Variants in PUM1 observed in about 807,000 individuals in gnomAD.
The protein encoded by PUM1 is pumilio homolog 1.
PUM1 carries 13 observed loss-of-function variants against 131.8 expected under a neutral mutation model. The observed-to-expected ratio is 0.10, with a 90% CI of 0.06 to 0.16. The LOEUF (loss-of-function observed/expected upper bound fraction) is 0.16. PUM1 is among the 10% of genes least tolerant of loss of function. PUM1 has a pLI of 1.00. For missense variants in PUM1, 961 were observed against 1,512.4 expected (o/e 0.64, Z 6.05); for synonymous variants, 509 against 556.5 (o/e 0.91, Z 1.20).
At chr1:31,031,751 C>T (rs1643439692) in intron 2 of PUM1, among the ~76,000 whole-genome samples, 3 of 152,196 alleles carry the variant, frequency 2.0e-5, no homozygotes, top group Admixed American at 2.0e-4. Flanking sequence ...TCTTCCCCTA[C>T]CTTCAAAACT....
intron 15 of PUM1, among the ~76,000 whole-genome samples, chr1:30,953,434 GCT>G (rs1640030266): frequency 6.6e-6 from 1 of 152,166 alleles, no homozygotes; most frequent in African/African-American, 2.4e-5. Flanking sequence ...AGGTGGTAGA[GCT>G]GTCTTACTCC....
intron 3 of PUM1, among the ~76,000 whole-genome samples, chr1:31,010,291 A>G (rs1642562403): frequency 6.6e-6 from 1 of 152,180 alleles, no homozygotes; most frequent in African/African-American, 2.4e-5. Flanking sequence ...ACTCTTAATG[A>G]TCTTCACTTA....
chr1:31,037,682 G>T (rs540309403), intron 2 of PUM1, among the ~76,000 whole-genome samples: 1 of 150,356 alleles, frequency 6.7e-6, no homozygotes, highest in Admixed American at 6.6e-5. Flanking sequence ...ACTCCAGCCC[G>T]GGCGACAAAG....
chr1:30,946,988 G>A (rs1639703468), intron 17 of PUM1, among the ~76,000 whole-genome samples: 1 of 152,140 alleles, frequency 6.6e-6, no homozygotes. Flanking sequence ...AGTATGACTA[G>A]TAATGATACT....
rs1329486629 is a variant in PUM1, at chr1:31,065,663, T to C, written c.-59A>G. On this transcript the variant is annotated 5_prime_UTR_variant, in exon 1 of 22. Coordinates refer to ENST00000426105, the MANE Select transcript of PUM1 (RefSeq NM_001020658.2). Reference sequence around the variant, plus strand: ...TGGATTTCAGCCCCCCGATCTTCTCTCTCTGGCGCTCTCGCTCCCCCTTAC... The same window carrying C: ...TGGATTTCAGCCCCCCGATCTTCTCCCTCTGGCGCTCTCGCTCCCCCTTAC... 7.7e-6 allele frequency: 12 copies of C among 1,549,548 alleles called. No individual in the cohort carries two copies. The highest frequency in any genetic ancestry group is 1.0e-5 in the Non-Finnish European group (12 of 1,146,806).
intron 2 of PUM1, among the ~76,000 whole-genome samples, chr1:31,036,471 G>C (rs765830200): frequency 6.6e-6 from 1 of 152,058 alleles, no homozygotes; most frequent in East Asian, 1.9e-4. Context: ...CAGTACTTTC[G>C]AGGCCAAGGC....
chr1:30,939,477 G>C (rs1639357111), intron 20 of PUM1, among the ~76,000 whole-genome samples: 2 of 152,176 alleles, frequency 1.3e-5, no homozygotes, highest in African/African-American at 4.8e-5. Context: ...AGCTTTAGCT[G>C]CCCAGCATGG....
intron 7 of PUM1, among the ~76,000 whole-genome samples, chr1:30,983,321 A>G (rs1343068265): frequency 6.6e-6 from 1 of 152,204 alleles, no homozygotes; most frequent in Non-Finnish European, 1.5e-5. Flanking sequence ...TGCCTCTTCA[A>G]TGGGTTTCTG....
chr1:31,046,446 G>T (rs79157939), intron 2 of PUM1, among the ~76,000 whole-genome samples: 8 of 149,880 alleles, frequency 5.3e-5, no homozygotes, highest in Non-Finnish European at 1.2e-4. Flanking sequence ...AACATGAAGC[G>T]CATTCCTCTG....
rs1175143372 is a variant in PUM1, at chr1:31,005,942, G to T, written c.631C>A (p.Arg211=). The change falls in exon 5 of 22, where the codon CGA becomes AGA. Residue 211 remains arginine (R), a synonymous_variant. Coordinates refer to ENST00000426105, the MANE Select transcript of PUM1 (RefSeq NM_001020658.2). ...ACGCCTAGTCCCCCACTCTCCGATC[G>T]TGGGGACAGTACAGAATTGACCTCA... ...NSEVNSVLSP[R]SESGGLGVSM... 1.2e-6 allele frequency: 2 copies of T among 1,613,732 alleles called. No homozygotes were observed. Among genetic ancestry groups the T allele is most frequent in the Non-Finnish European group, 1.7e-6 (2 of 1,179,912 alleles).
At chr1:31,062,574 C>G (rs1644393132) in intron 1 of PUM1, among the ~76,000 whole-genome samples, 1 of 144,700 alleles carries the variant, frequency 6.9e-6, no homozygotes, top group South Asian at 2.2e-4. Flanking sequence ...GAGCCGAGAT[C>G]AAGGCACTGC....
intron 3 of PUM1, among the ~76,000 whole-genome samples, chr1:31,009,964 A>T (rs909250967): frequency 6.6e-6 from 1 of 152,150 alleles, no homozygotes; most frequent in African/African-American, 2.4e-5. Context: ...ATAGTATACC[A>T]GGCTGTCATA....
chr1:30,988,760 C>A (rs965844917), intron 7 of PUM1, among the ~76,000 whole-genome samples: 1 of 152,196 alleles, frequency 6.6e-6, no homozygotes, highest in African/African-American at 2.4e-5. Flanking sequence ...ACACCACAGT[C>A]ATTCCCAGCT....
rs1275796813 is a variant in PUM1, at chr1:31,059,486, T to C, written c.81A>G (p.Gln27=). The change falls in exon 2 of 22, where the codon CAA becomes CAG. Residue 27 remains glutamine (Q), a synonymous_variant. Coordinates refer to ENST00000426105, the MANE Select transcript of PUM1 (RefSeq NM_001020658.2). ...CAGGCATGTTGGGATTAGCTGGTTC[T>C]TGAGGGTGATGTTTCAGGTGGGGGC... is the stretch of plus-strand genomic sequence containing the variant. ...SFSPHLKHHP[Q]EPANPNMPVV... is the part of the protein sequence containing the mutation. 6.2e-6 allele frequency: 10 copies of C among 1,614,110 alleles called. No individual in the cohort carries two copies. The highest frequency in any genetic ancestry group is 8.5e-6 in the Non-Finnish European group (10 of 1,180,054).
chr1:31,060,410 G>C (rs112638031), intron 1 of PUM1, among the ~76,000 whole-genome samples: 1 of 151,358 alleles, frequency 6.6e-6, no homozygotes, highest in African/African-American at 2.4e-5. Flanking sequence ...GCAGTGAGCC[G>C]AGATCATGCC....
At chr1:30,966,409 C>T (rs1640621784) in intron 12 of PUM1, 131 bp from the exon 13 acceptor site, 1 of 915,330 alleles carries the variant, frequency 1.1e-6, no homozygotes, top group Non-Finnish European at 1.6e-6. Context: ...CCATACAAAT[C>T]TGTCTTTGAT....
At chr1:31,020,331 G>T (rs1642976359) in intron 3 of PUM1, among the ~76,000 whole-genome samples, 1 of 152,138 alleles carries the variant, frequency 6.6e-6, no homozygotes, top group Admixed American at 6.5e-5. Flanking sequence ...CCACGTCTGT[G>T]CTATTGTGAA....
chr1:30,978,332 A>G (rs1325036915), intron 9 of PUM1, among the ~76,000 whole-genome samples: 1 of 152,230 alleles, frequency 6.6e-6, no homozygotes. Flanking sequence ...AAATCATATG[A>G]AAGAAAAGCA....
intron 17 of PUM1, among the ~76,000 whole-genome samples, chr1:30,946,710 A>G (rs1280436615): frequency 6.6e-6 from 1 of 151,012 alleles, no homozygotes; most frequent in East Asian, 1.9e-4. Flanking sequence ...AAAAGATTCA[A>G]AGTACAGTTT....
Sources: gnomAD v4.1 joint callset for allele counts (sites outside exome capture counted in the v4.1 genomes callset) on GRCh38, gnomAD v4.1.1 for gene constraint, MANE v1.5 for transcripts, NCBI Gene and HGNC (gene_info 2026-07-23, HGNC 2026-07-21) for gene names.